Variants in KCMF1 observed in about 807,000 individuals in gnomAD.
The protein encoded by KCMF1 is E3 ubiquitin-protein ligase KCMF1.
KCMF1 carries 3 observed loss-of-function variants against 41.1 expected under a neutral mutation model. The observed-to-expected ratio is 0.07, with a 90% CI of 0.03 to 0.19. KCMF1 has a LOEUF of 0.19. Among genes scored for constraint, KCMF1 ranks in the 10% least tolerant of loss-of-function variants. The pLI, the probability that KCMF1 is intolerant of heterozygous loss-of-function variation, is 1.00. For missense variants in KCMF1, 286 were observed against 488.9 expected, an observed-to-expected ratio of 0.58 and a Z score of 3.91; for synonymous variants, 142 against 164.5, an observed-to-expected ratio of 0.86 and a Z score of 1.04.
At chr2:84,978,618 C>T (rs1231280237) in intron 1 of KCMF1, among the ~76,000 whole-genome samples, 1 of 151,768 alleles carries the variant, frequency 6.6e-6, no homozygotes, top group Non-Finnish European at 1.5e-5. Context: ...ATGATCTCGG[C>T]TCACTGTGGC....
intron 1 of KCMF1, among the ~76,000 whole-genome samples, chr2:84,990,362 A>G (rs1674010722): frequency 6.6e-6 from 1 of 152,242 alleles, no homozygotes; most frequent in Admixed American, 6.5e-5. Flanking sequence ...TGTGCCAGAC[A>G]CTATTACTGA....
In KCMF1 at chr2:85,057,889, T is replaced by G. The variant is rs1450250224; in HGVS notation, c.*4480T>G. 6.6e-6 allele frequency: 1 copy of G among 152,310 alleles called. No individual in the cohort carries two copies. Among genetic ancestry groups the G allele is most frequent in the South Asian group, 2.1e-4 (1 of 4,822 alleles). 9.4% of individuals were successfully genotyped at this position (152,310 alleles called of 1,614,324 possible). A position where few individuals can be genotyped will look rare whatever the true frequency, so the allele number is the denominator to read the frequency against. On this transcript the variant is annotated 3_prime_UTR_variant, in exon 7 of 7. Transcript: ENST00000409785. ...CACATTTTAGTCGGTTGCTATTAGG[T>G]GGGTAATGCCTAATAACATGGGTTC...
intron 1 of KCMF1, among the ~76,000 whole-genome samples, chr2:85,008,291 T>TATATAATATG (rs1486177880): frequency 2.7e-4 from 4 of 14,618 alleles, no homozygotes; most frequent in Admixed American, 1.1e-3. Context: ...TGATATATAA[T>TATATAATATG]ATATATAATA....
At chr2:84,973,045 G>T (rs1673444169) in intron 1 of KCMF1, among the ~76,000 whole-genome samples, 5 of 152,150 alleles carry the variant, frequency 3.3e-5, no homozygotes, top group Admixed American at 3.3e-4. Flanking sequence ...TTTTCAATTT[G>T]GGATATTAAA....
intron 2 of KCMF1, among the ~76,000 whole-genome samples, chr2:85,030,280 C>A (rs368963662): frequency 1.8e-4 from 27 of 151,902 alleles, no homozygotes; most frequent in African/African-American, 6.5e-4. Flanking sequence ...TTCTCCCATT[C>A]TGTGGGTTGT....
chr2:84,987,422 A>G (rs1673930818), intron 1 of KCMF1, among the ~76,000 whole-genome samples: 1 of 152,262 alleles, frequency 6.6e-6, no homozygotes, highest in African/African-American at 2.4e-5. Context: ...CAATCGTCAC[A>G]GGAACAGAAA....
chr2:85,054,474 G>T lies in KCMF1; in HGVS notation c.*1065G>T, dbSNP rs1018236572. On this transcript the variant is annotated 3_prime_UTR_variant, in exon 7 of 7. Transcript: ENST00000409785. ...AATTTTAGCACCTTTTATTTATTGG[G>T]TTTTTTCTGGCATAAAAAGTAAAGC... 7.2e-5 allele frequency: 11 copies of T among 152,010 alleles called. No homozygotes were observed. The highest frequency in any genetic ancestry group is 2.4e-4 in the African/African-American group (10 of 41,378). The allele number at this position is 152,010 out of a possible 1,614,324, so 9.4% of individuals were successfully genotyped here.
intron 1 of KCMF1, among the ~76,000 whole-genome samples, chr2:84,980,684 C>T (rs547071464): frequency 8.5e-4 from 129 of 151,976 alleles, no homozygotes; most frequent in African/African-American, 3.0e-3. Context: ...CTCTGTCACC[C>T]AGACTGGAGT....
chr2:84,991,972 C>T (rs1259457442), intron 1 of KCMF1, among the ~76,000 whole-genome samples: 1 of 152,190 alleles, frequency 6.6e-6, no homozygotes, highest in Non-Finnish European at 1.5e-5. Flanking sequence ...CATCAGTACC[C>T]TGAGGCCACA....
intron 2 of KCMF1, among the ~76,000 whole-genome samples, chr2:85,032,099 TC>T (rs1159601695): frequency 6.6e-6 from 1 of 152,152 alleles, no homozygotes; most frequent in Non-Finnish European, 1.5e-5. Flanking sequence ...ATTTTTTTTT[TC>T]ATATAGATCT....
In KCMF1 at chr2:85,015,518, A is replaced by G. The variant is rs540513630; in HGVS notation, c.17-12371A>G. On this transcript the variant is annotated intron_variant, in intron 1 of 6. Transcript: ENST00000409785. ...GTTTCTGTTTTCAGAACAGGGATGC[A>G]TTTCTATGAACAAATAAAAGAGTGT... 3.3e-5 allele frequency among the ~76,000 whole-genome samples: 5 copies of G among 152,334 alleles called. No individual in the cohort carries two copies. In the South Asian group the frequency reaches 1.0e-3, roughly 32 times the overall value.
At chr2:85,048,635 C>T (rs765823736) in intron 5 of KCMF1, among the ~76,000 whole-genome samples, 1 of 152,146 alleles carries the variant, frequency 6.6e-6, no homozygotes, top group Non-Finnish European at 1.5e-5. Context: ...GATGAGGATG[C>T]GGGGACAAAA....
At chr2:85,045,808 G>A (rs937824568) in intron 4 of KCMF1, among the ~76,000 whole-genome samples, 2 of 152,184 alleles carry the variant, frequency 1.3e-5, no homozygotes. Context: ...TATACATTCA[G>A]TATTGTTCCT....
intron 1 of KCMF1, among the ~76,000 whole-genome samples, chr2:85,017,476 A>T (rs1388105679): frequency 4.6e-5 from 7 of 152,028 alleles, no homozygotes; most frequent in African/African-American, 1.7e-4. Context: ...ACCGTTTTTT[A>T]AAAAAAGTCA....
chr2:85,043,746 C>T (rs769208399), intron 4 of KCMF1, 81 bp downstream of exon 4: 1 of 960,670 alleles, frequency 1.0e-6, no homozygotes, highest in Non-Finnish European at 1.6e-6. Context: ...GACAAGATCT[C>T]GCTGTGTCGA....
At position 85,055,089 on chromosome 2, in the gene KCMF1, A is replaced by G. The variant is rs1440657176; in HGVS notation, c.*1680A>G. 2 of 152,246 alleles carry G rather than the reference A, an allele frequency of 1.3e-5. No individual in the cohort carries two copies. The highest frequency in any genetic ancestry group is 6.5e-5 in the Admixed American group (1 of 15,286). 9.4% of individuals were successfully genotyped at this position (152,246 alleles called of 1,614,324 possible). ...AATGTTTAAAGGAAAACTTTACACC[A>G]GGCTTCTGGTTACACTAGAAGTCAA... On this transcript the variant is annotated 3_prime_UTR_variant, in exon 7 of 7. Coordinates refer to ENST00000409785, the MANE Select transcript of KCMF1 (RefSeq NM_020122.5).
At chr2:85,021,388 C>G (rs146779070) in intron 1 of KCMF1, among the ~76,000 whole-genome samples, 2,784 of 152,322 alleles carry the variant, frequency 0.018, 54 homozygotes, top group South Asian at 0.044. Context: ...CTTTGGGAGG[C>G]CAAGGCGGGC....
chr2:85,050,382 A>G (rs1295554378), intron 6 of KCMF1, among the ~76,000 whole-genome samples: 2 of 152,128 alleles, frequency 1.3e-5, no homozygotes, highest in South Asian at 2.1e-4. Flanking sequence ...GTGAATTTCT[A>G]AAAAAGCTAG....
intron 1 of KCMF1, among the ~76,000 whole-genome samples, chr2:84,998,860 A>C (rs1558569441): frequency 6.6e-6 from 1 of 151,162 alleles, no homozygotes; most frequent in Middle Eastern, 3.4e-3. Context: ...GATCCACCCA[A>C]CTCGGACTCC....
Sources: gnomAD v4.1 joint callset for allele counts (sites outside exome capture counted in the v4.1 genomes callset) on GRCh38, gnomAD v4.1.1 for gene constraint, MANE v1.5 for transcripts, NCBI Gene and HGNC (gene_info 2026-07-23, HGNC 2026-07-21) for gene names.